The following NR1I2 variants were observed in gnomAD, a reference collection of about 807,000 sequenced individuals.
The protein encoded by NR1I2 is nuclear receptor subfamily 1 group I member 2.
NR1I2 carries 42 observed loss-of-function variants against 43.3 expected under a neutral mutation model. That is an observed-to-expected ratio of 0.97 (90% CI 0.76 to 1.26). The LOEUF (loss-of-function observed/expected upper bound fraction) is 1.26. Among genes scored for constraint, NR1I2 ranks in the 50% most tolerant of loss-of-function variants. The pLI is 0.00. For missense variants in NR1I2, 559 were observed against 566.7 expected, an observed-to-expected ratio of 0.99 and a Z score of 0.14; for synonymous variants, 229 against 215.0, an observed-to-expected ratio of 1.06 and a Z score of -0.57.
intron 2 of NR1I2, among the ~76,000 whole-genome samples, chr3:119,808,992 C>G (rs1281322954): frequency 1.3e-5 from 2 of 152,216 alleles, no homozygotes; most frequent in Non-Finnish European, 2.9e-5. Context: ...GAACATGCCC[C>G]TGGGCTGGTC....
chr3:119,815,758 G>A lies in NR1I2; in HGVS notation c.1087G>A (p.Asp363Asn), dbSNP rs1049623483. 45 of 1,613,692 alleles carry A rather than the reference G, an allele frequency of 2.8e-5. No homozygotes were observed. The highest frequency in any genetic ancestry group is 3.4e-5 in the Non-Finnish European group (40 of 1,179,896). ...AGGTGTGCTGCAGCACCGCGTGGTG[G>A]ACCAGCTGCAGGAGCAATTCGCCAT... The change falls in exon 8 of 9, where the codon GAC (aspartate) becomes AAC (asparagine). Residue 363 changes from aspartate (D) to asparagine (N), a missense_variant. Around this residue, in one of 3 missense-constraint regions of NR1I2, gnomAD observed 323 missense variants for 312.2 expected, o/e 1.03. Coordinates refer to ENST00000393716, the MANE Select transcript of NR1I2 (RefSeq NM_003889.4).
intron 1 of NR1I2, among the ~76,000 whole-genome samples, chr3:119,802,500 G>A (rs2055095450): frequency 6.6e-6 from 1 of 152,190 alleles, no homozygotes; most frequent in South Asian, 2.1e-4. Context: ...CGAGAAAGCA[G>A]CATCTCACCA....
rs200609927 is a variant in NR1I2, at chr3:119,803,375, T to C, written c.-22-3854T>C. Among the ~76,000 whole-genome samples the C allele has an allele frequency of 5.5e-5, 8 of 145,096 alleles. No homozygotes were observed. In the East Asian group the frequency reaches 6.0e-4, roughly 11 times the overall value. On this transcript the variant is annotated intron_variant, in intron 1 of 8. Transcript: ENST00000393716. ...AGAGAGAGAGAGAGAGAGAGAGAGA[T>C]AGAGAGGTCCCAGAGACCCAAAGAG...
At chr3:119,800,311 G>A (rs999156321) in intron 1 of NR1I2, among the ~76,000 whole-genome samples, 4 of 152,008 alleles carry the variant, frequency 2.6e-5, no homozygotes, top group Non-Finnish European at 5.9e-5. Context: ...TAATAGTAAG[G>A]GTTTATTTCT....
intron 2 of NR1I2, among the ~76,000 whole-genome samples, chr3:119,809,559 G>C (rs1297494734): frequency 7.2e-6 from 1 of 138,948 alleles, no homozygotes; most frequent in Non-Finnish European, 1.6e-5. Context: ...GGGGGAAGGC[G>C]GGGGGGAAGG....
intron 1 of NR1I2, among the ~76,000 whole-genome samples, chr3:119,790,072 A>AT (rs1316692069): frequency 6.6e-6 from 1 of 152,150 alleles, no homozygotes; most frequent in Non-Finnish European, 1.5e-5. Context: ...AACTCTACCC[A>AT]TTAAACAACT....
At chr3:119,798,185 C>G (rs1281601009) in intron 1 of NR1I2, among the ~76,000 whole-genome samples, 2 of 152,142 alleles carry the variant, frequency 1.3e-5, no homozygotes, top group Non-Finnish European at 2.9e-5. Context: ...TCGTGTGTCT[C>G]TTACGCCCTG....
chr3:119,810,037 C>T (rs370569472), intron 2 of NR1I2, 24 bp from the exon 3 acceptor site: 5 of 1,613,604 alleles, frequency 3.1e-6, no homozygotes, highest in Admixed American at 1.7e-5. Flanking sequence ...TGCATCCCCC[C>T]TTCTGCTCCC....
chr3:119,793,136 C>T (rs1398263379), intron 1 of NR1I2, among the ~76,000 whole-genome samples: 1 of 152,198 alleles, frequency 6.6e-6, no homozygotes, highest in Non-Finnish European at 1.5e-5. Flanking sequence ...TGAGACCTCA[C>T]CAGAAGCAGA....
chr3:119,805,707 T>TCCC (rs1337823304), intron 1 of NR1I2, among the ~76,000 whole-genome samples: 1 of 41,788 alleles, frequency 2.4e-5, no homozygotes, highest in African/African-American at 7.7e-5. Flanking sequence ...GGTCCCCCCC[T>TCCC]CCCCCCCACC....
In NR1I2 at chr3:119,807,417, T is replaced by C. The variant is rs780646192; in HGVS notation, c.167T>C (p.Met56Thr). 1.6e-5 allele frequency: 26 copies of C among 1,614,134 alleles called. No homozygotes were observed. In the East Asian group the frequency reaches 4.9e-4, roughly 30 times the overall value. Reference sequence around the variant, plus strand: ...GCCACTGGCTATCACTTCAATGTCATGACATGTGAAGGATGCAAGGGCTTT... The same window carrying C: ...GCCACTGGCTATCACTTCAATGTCACGACATGTGAAGGATGCAAGGGCTTT... Residue 56 changes from methionine (M) to threonine (T), a missense_variant, in exon 2 of 9, where the codon ATG becomes ACG. This residue lies in a region of NR1I2 where 232 missense variants were observed against 236.6 expected (regional missense o/e 0.98). Coordinates refer to ENST00000393716, the MANE Select transcript of NR1I2 (RefSeq NM_003889.4).
chr3:119,807,111 G>A, intron 1 of NR1I2, 118 bp from the exon 2 acceptor site: 1 of 866,530 alleles, frequency 1.2e-6, no homozygotes, highest in Non-Finnish European at 1.9e-6. Context: ...TGAGAGGTCA[G>A]CTCCCGAGTT....
At chr3:119,799,596 C>CA (rs545336522) in intron 1 of NR1I2, among the ~76,000 whole-genome samples, 20 of 151,266 alleles carry the variant, frequency 1.3e-4, no homozygotes, top group East Asian at 9.7e-4. Flanking sequence ...CAAACACAAA[C>CA]AAAAAAAAAC....
chr3:119,791,392 G>A (rs1479224091), intron 1 of NR1I2, among the ~76,000 whole-genome samples: 2 of 152,152 alleles, frequency 1.3e-5, no homozygotes, highest in African/African-American at 4.8e-5. Context: ...GTGGGAGGCT[G>A]TGAACACTCC....
chr3:119,796,455 C>A (rs2055000478), intron 1 of NR1I2, among the ~76,000 whole-genome samples: 1 of 152,194 alleles, frequency 6.6e-6, no homozygotes, highest in African/African-American at 2.4e-5. Context: ...TGCTGCTTCG[C>A]ATCCCTTCCT....
chr3:119,791,928 G>A, intron 1 of NR1I2: 1 of 657,940 alleles, frequency 1.5e-6, no homozygotes. Flanking sequence ...GCACAGAACT[G>A]TCATCTTTGA....
Position 119,807,357 on chromosome 3 carries a change from G to C in NR1I2, c.107G>C (p.Gly36Ala), listed in dbSNP as rs375785850. 1 of 1,614,088 alleles carries C rather than the reference G, an allele frequency of 6.2e-7. No individual in the cohort carries two copies. The highest frequency in any genetic ancestry group is 8.5e-7 in the Non-Finnish European group (1 of 1,180,038). Residue 36 changes from glycine (G) to alanine (A), a missense_variant, in exon 2 of 9, where the codon GGA (glycine) becomes GCA (alanine). Gly to Ala is a moderately conservative substitution (Grantham distance 60). Around this residue, in one of 3 missense-constraint regions of NR1I2, gnomAD observed 232 missense variants for 236.6 expected, o/e 0.98. Transcript: ENST00000393716. ...AGTGTCAACGCAGATGAGGAAGTCG[G>C]AGGTCCCCAAATCTGCCGTGTATGT... is the stretch of plus-strand genomic sequence containing the variant.
At chr3:119,805,706 C>T (rs1485667240) in intron 1 of NR1I2, among the ~76,000 whole-genome samples, 1 of 31,934 alleles carries the variant, frequency 3.1e-5, no homozygotes, top group African/African-American at 4.7e-5. Flanking sequence ...TGGTCCCCCC[C>T]TCCCCCCCAC....
chr3:119,798,363 C>G (rs2055027574), intron 1 of NR1I2, among the ~76,000 whole-genome samples: 1 of 152,092 alleles, frequency 6.6e-6, no homozygotes, highest in Non-Finnish European at 1.5e-5. Flanking sequence ...CTGGAATGTC[C>G]AGAAATGTCC....
Sources: gnomAD v4.1 joint callset for allele counts (sites outside exome capture counted in the v4.1 genomes callset) on GRCh38, gnomAD v4.1.1 for gene constraint, gnomAD v4.1.1 regional missense constraint, MANE v1.5 for transcripts, NCBI Gene and HGNC (gene_info 2026-07-23, HGNC 2026-07-21) for gene names.